The following UNC5D variants were observed in gnomAD, a reference collection of about 807,000 sequenced individuals.
The protein encoded by UNC5D is unc-5 netrin receptor D, also known as netrin receptor UNC5D.
UNC5D carries 39 observed loss-of-function variants against 105.4 expected under a neutral mutation model. That is an observed-to-expected ratio of 0.37 (90% CI 0.29 to 0.48). The LOEUF (loss-of-function observed/expected upper bound fraction) is 0.48. UNC5D is among the 20% of genes least tolerant of loss of function. The pLI, the probability that UNC5D is intolerant of heterozygous loss-of-function variation, is 0.98. For missense variants in UNC5D, 991 were observed against 1,202.4 expected (o/e 0.82, Z 2.60); for synonymous variants, 452 against 450.4 (o/e 1.00, Z -0.04).
intron 1 of UNC5D, among the ~76,000 whole-genome samples, chr8:35,514,852 A>G (rs1332902591): frequency 6.6e-6 from 1 of 152,228 alleles, no homozygotes; most frequent in Non-Finnish European, 1.5e-5. Context: ...AAATTGCCAG[A>G]AGGAATGGAT....
intron 4 of UNC5D, among the ~76,000 whole-genome samples, chr8:35,657,101 TA>T (rs1213999011): frequency 8.6e-6 from 1 of 116,070 alleles, no homozygotes; most frequent in East Asian, 2.4e-4. Flanking sequence ...TATATATATA[TA>T]TATATATATA....
At chr8:35,487,582 CACACACACACA>C (rs1810907626) in intron 1 of UNC5D, among the ~76,000 whole-genome samples, 1 of 151,622 alleles carries the variant, frequency 6.6e-6, no homozygotes, top group African/African-American at 2.4e-5. Context: ...CACACACACA[CACACACACACA>C]CCCCACAGAC....
chr8:35,347,394 A>T (rs1045443256), intron 1 of UNC5D, among the ~76,000 whole-genome samples: 5 of 151,802 alleles, frequency 3.3e-5, no homozygotes, highest in African/African-American at 1.2e-4. Context: ...CATGGCATTC[A>T]CCCTTCATCT....
chr8:35,722,525 C>A, intron 9 of UNC5D, 130 bp downstream of exon 9: 2 of 1,196,824 alleles, frequency 1.7e-6, no homozygotes, highest in Non-Finnish European at 1.1e-6. Flanking sequence ...AAATTGTCTT[C>A]ACACATGAAC....
chr8:35,258,444 C>T (rs1039335901), intron 1 of UNC5D, among the ~76,000 whole-genome samples: 1 of 152,138 alleles, frequency 6.6e-6, no homozygotes, highest in South Asian at 2.1e-4. Flanking sequence ...GATCAGACTA[C>T]TTGAGTTAGG....
chr8:35,698,888 G>A (rs1826981087), intron 7 of UNC5D, among the ~76,000 whole-genome samples: 1 of 151,928 alleles, frequency 6.6e-6, no homozygotes. Context: ...GTTCCATTTT[G>A]AATATATACA....
At chr8:35,474,205 T>C (rs766437665) in intron 1 of UNC5D, among the ~76,000 whole-genome samples, 5 of 152,248 alleles carry the variant, frequency 3.3e-5, no homozygotes, top group Non-Finnish European at 5.9e-5. Context: ...ATATTACCAA[T>C]TGTAATTTTC....
chr8:35,294,176 A>G (rs1454515704), intron 1 of UNC5D, among the ~76,000 whole-genome samples: 2 of 152,306 alleles, frequency 1.3e-5, no homozygotes, highest in East Asian at 3.9e-4. Context: ...AATAAGGGCA[A>G]TGCAAATTTT....
At chr8:35,241,603 G>A (rs1458630403) in intron 1 of UNC5D, among the ~76,000 whole-genome samples, 1 of 151,842 alleles carries the variant, frequency 6.6e-6, no homozygotes, top group East Asian at 1.9e-4. Context: ...AGGATAAAAT[G>A]AGGTCAGTAT....
chr8:35,715,626 TGA>T (rs1828213035), intron 8 of UNC5D, among the ~76,000 whole-genome samples: 1 of 152,026 alleles, frequency 6.6e-6, no homozygotes, highest in Admixed American at 6.6e-5. Context: ...GAGAAGTTTG[TGA>T]GAGAGTAAGT....
chr8:35,276,281 G>GT (rs1377496243), intron 1 of UNC5D, among the ~76,000 whole-genome samples: 4 of 151,848 alleles, frequency 2.6e-5, no homozygotes, highest in East Asian at 1.9e-4. Context: ...TGTGGAAGTT[G>GT]TTTTTTTTCT....
intron 4 of UNC5D, among the ~76,000 whole-genome samples, chr8:35,648,951 G>A (rs1400450215): frequency 6.6e-6 from 1 of 152,022 alleles, no homozygotes; most frequent in Non-Finnish European, 1.5e-5. Context: ...TCCTTAAAAA[G>A]TACAAGCACC....
chr8:35,667,792 AT>A (rs1287334711), intron 4 of UNC5D, among the ~76,000 whole-genome samples: 1 of 152,320 alleles, frequency 6.6e-6, no homozygotes, highest in Admixed American at 6.5e-5. Flanking sequence ...AGAAAGGCAT[AT>A]TTTTTGATGG....
At position 35,726,472 on chromosome 8, in the gene UNC5D, C is replaced by G. The variant is rs1051957587; in HGVS notation, c.1624C>G (p.Leu542Val). The change falls in exon 10 of 17, where the codon CTG becomes GTG. Residue 542 changes from leucine to valine, a missense_variant. Transcript: ENST00000404895. ...NLSSLPTRTE[L>V]RTTGVFGHLG... ...GTCATCACTCCCCACAAGGACAGAA[C>G]TGAGGACAACTGGTGTCTTTGGCCA... 1 of 1,613,994 alleles carries G rather than the reference C, an allele frequency of 6.2e-7. No homozygotes were observed. Among genetic ancestry groups the G allele is most frequent in the Non-Finnish European group, 8.5e-7 (1 of 1,180,024 alleles).
chr8:35,647,701 C>T lies in UNC5D; in HGVS notation c.571-35846C>T, dbSNP rs552851877. ...TTCTTATCTACAATGGTCCTTTGTA[C>T]GGTTTATCTAATGGCAATGTGCCAG... On this transcript the variant is annotated intron_variant, in intron 4 of 16. Coordinates refer to ENST00000404895, the MANE Select transcript of UNC5D (RefSeq NM_080872.4). 9.9e-5 allele frequency among the ~76,000 whole-genome samples: 15 copies of T among 152,044 alleles called. No homozygotes were observed. The South Asian group carries it at 1.7e-3, about 17-fold the overall frequency.
chr8:35,451,331 C>A (rs181283209), intron 1 of UNC5D, among the ~76,000 whole-genome samples: 1 of 152,158 alleles, frequency 6.6e-6, no homozygotes, highest in Non-Finnish European at 1.5e-5. Context: ...GCATGAGCCA[C>A]TGCACCTGGC....
intron 13 of UNC5D, among the ~76,000 whole-genome samples, chr8:35,758,657 G>C (rs1163379384): frequency 6.6e-6 from 1 of 152,190 alleles, no homozygotes; most frequent in East Asian, 1.9e-4. Flanking sequence ...GTTTGTATTA[G>C]ATTGTATTAC....
At chr8:35,449,351 C>T (rs188090439) in intron 1 of UNC5D, among the ~76,000 whole-genome samples, 2 of 152,130 alleles carry the variant, frequency 1.3e-5, no homozygotes, top group East Asian at 3.9e-4. Context: ...TCCATGTCCT[C>T]TCTGTTATTG....
intron 1 of UNC5D, among the ~76,000 whole-genome samples, chr8:35,520,764 A>C (rs1813409600): frequency 6.6e-6 from 1 of 152,154 alleles, no homozygotes; most frequent in South Asian, 2.1e-4. Flanking sequence ...AGTGGTGGTC[A>C]TTACCATTAA....
Sources: gnomAD v4.1 joint callset for allele counts (sites outside exome capture counted in the v4.1 genomes callset) on GRCh38, gnomAD v4.1.1 for gene constraint, MANE v1.5 for transcripts, NCBI Gene and HGNC (gene_info 2026-07-23, HGNC 2026-07-21) for gene names.